The following TMPRSS11E variants were observed in gnomAD, a reference collection of about 807,000 sequenced individuals.
TMPRSS11E encodes transmembrane protease serine 11E.
In TMPRSS11E, 38 loss-of-function variants were observed where a neutral mutation model predicts 48.1. The observed-to-expected ratio is 0.79, with a 90% CI of 0.61 to 1.04. TMPRSS11E has a LOEUF of 1.04. TMPRSS11E is among the 50% of genes least tolerant of loss of function. TMPRSS11E has a pLI of 0.00. For synonymous variants in TMPRSS11E, 158 were observed against 171.9 expected (o/e 0.92, Z 0.63); for missense variants, 530 against 510.8 (o/e 1.04, Z -0.36).
At position 68,477,496 on chromosome 4, in the gene TMPRSS11E, T is replaced by G; in HGVS notation, c.835T>G (p.Ser279Ala). The change falls in exon 8 of 10, where the codon TCT (serine) becomes GCT (alanine). Residue 279 changes from serine (S) to alanine (A), a missense_variant. By Grantham distance (99) the Ser-to-Ala change is moderately conservative (BLOSUM62 1). Coordinates refer to ENST00000305363, the MANE Select transcript of TMPRSS11E (RefSeq NM_014058.4). ...YKHPSHDYDI[S>A]LAELSSPVPY... Reference sequence around the variant, plus strand: ...ACACCCATCACATGACTATGATATTTCTCTTGCAGAGCTTTCTAGCCCTGT... The same window carrying G: ...ACACCCATCACATGACTATGATATTGCTCTTGCAGAGCTTTCTAGCCCTGT... 6.2e-7 allele frequency: 1 copy of G among 1,613,968 alleles called. No individual in the cohort carries two copies. Among genetic ancestry groups the G allele is most frequent in the Non-Finnish European group, 8.5e-7 (1 of 1,179,968 alleles).
intron 1 of TMPRSS11E, among the ~76,000 whole-genome samples, chr4:68,448,755 A>G (rs1295213019): frequency 6.6e-6 from 1 of 151,884 alleles, no homozygotes; most frequent in Non-Finnish European, 1.5e-5. Context: ...AAAAAACCAA[A>G]AACCAAAACC....
chr4:68,469,961 C>A (rs150525668), intron 4 of TMPRSS11E, among the ~76,000 whole-genome samples: 19 of 152,046 alleles, frequency 1.2e-4, no homozygotes, highest in African/African-American at 2.6e-4. Context: ...AATTTGCTCA[C>A]CTCTTTATTC....
chr4:68,448,409 T>G (rs959685468), intron 1 of TMPRSS11E, among the ~76,000 whole-genome samples: 10 of 152,080 alleles, frequency 6.6e-5, no homozygotes, highest in South Asian at 2.1e-4. Flanking sequence ...CTACGGATAC[T>G]AAACATTTTG....
At chr4:68,490,596 GCCTCCACTGA>G (rs1472294183) in intron 9 of TMPRSS11E, among the ~76,000 whole-genome samples, 1 of 151,858 alleles carries the variant, frequency 6.6e-6, no homozygotes, top group Non-Finnish European at 1.5e-5. Context: ...TCCCCTTTTG[GCCTCCACTGA>G]CATCATGGGG....
At chr4:68,467,608 A>G (rs1728961409) in intron 3 of TMPRSS11E, among the ~76,000 whole-genome samples, 1 of 152,146 alleles carries the variant, frequency 6.6e-6, no homozygotes, top group South Asian at 2.1e-4. Context: ...AAATTAAGGT[A>G]TTAGGTTAGA....
chr4:68,469,285 A>G (rs1322080404), intron 4 of TMPRSS11E, among the ~76,000 whole-genome samples: 2 of 152,006 alleles, frequency 1.3e-5, no homozygotes, highest in African/African-American at 4.8e-5. Flanking sequence ...ACAATATAGT[A>G]GATCAGGTTT....
At chr4:68,475,524 A>G (rs989479242) in intron 6 of TMPRSS11E, among the ~76,000 whole-genome samples, 17 of 152,342 alleles carry the variant, frequency 1.1e-4, no homozygotes, top group African/African-American at 3.8e-4. Flanking sequence ...TCTCACCACC[A>G]ATATTTATTG....
chr4:68,448,765 C>A (rs1448919048), intron 1 of TMPRSS11E, among the ~76,000 whole-genome samples: 1 of 151,706 alleles, frequency 6.6e-6, no homozygotes, highest in Admixed American at 6.6e-5. Flanking sequence ...AAACCAAAAC[C>A]AACCATCTAA....
At chr4:68,453,787 A>G (rs899320154) in intron 1 of TMPRSS11E, among the ~76,000 whole-genome samples, 1 of 151,950 alleles carries the variant, frequency 6.6e-6, no homozygotes, top group East Asian at 1.9e-4. Flanking sequence ...ATGTGAAACA[A>G]TTCTGGAGAT....
rs188289714 is a variant in TMPRSS11E at position 68,496,957 on chromosome 4, A to G, written c.*153A>G. ...TGCTTGATGCATGTATTTTCTTCCC[A>G]GCTCTGTTCCGCACATAAGCATCCT... On this transcript the variant is annotated 3_prime_UTR_variant, in exon 10 of 10. Coordinates refer to ENST00000305363, the MANE Select transcript of TMPRSS11E (RefSeq NM_014058.4). 1.7e-3 allele frequency: 1,310 copies of G among 785,098 alleles called. 4 individuals are homozygous for G. Among genetic ancestry groups the G allele is most frequent in the Non-Finnish European group, 2.4e-3 (1,169 of 483,732 alleles). The allele number at this position is 785,098 out of a possible 1,614,324, so 48.6% of individuals were successfully genotyped here.
intron 9 of TMPRSS11E, among the ~76,000 whole-genome samples, chr4:68,492,090 GAGGAAC>G (rs1235658698): frequency 8.5e-5 from 13 of 152,088 alleles, no homozygotes; most frequent in Non-Finnish European, 1.8e-4. Flanking sequence ...ATTGCTCCTG[GAGGAAC>G]ACACGGAACA....
intron 1 of TMPRSS11E, among the ~76,000 whole-genome samples, chr4:68,456,476 T>C (rs1175042801): frequency 1.3e-5 from 2 of 152,008 alleles, no homozygotes; most frequent in African/African-American, 2.4e-5. Context: ...AAAACAGCAA[T>C]GAAAATATAT....
At position 68,471,456 on chromosome 4, in the gene TMPRSS11E, A is replaced by G; in HGVS notation, c.327-4A>G. 7.3e-7 allele frequency: 1 copy of G among 1,374,050 alleles called. No homozygotes were observed. Among genetic ancestry groups the G allele is most frequent in the Non-Finnish European group, 9.5e-7 (1 of 1,058,132 alleles). The allele number at this position is 1,374,050 out of a possible 1,614,324, so 85.1% of individuals were successfully genotyped here. ...CTTTCATTTTCTTCTTTTTTGGCCC[A>G]CAGTCAACAGAAGCATGGAGTGTTG... On this transcript the variant is annotated splice_polypyrimidine_tract_variant and splice_region_variant and intron_variant, in intron 4 of 9. Transcript: ENST00000305363.
chr4:68,495,412 G>A (rs1003784635), intron 9 of TMPRSS11E, among the ~76,000 whole-genome samples: 3 of 151,648 alleles, frequency 2.0e-5, no homozygotes, highest in Non-Finnish European at 4.4e-5. Flanking sequence ...TATAGACTTG[G>A]GATTTTATTA....
Position 68,471,551 on chromosome 4 carries a change from C to T in TMPRSS11E, c.418C>T (p.Leu140Phe). 6.2e-7 allele frequency: 1 copy of T among 1,611,254 alleles called. No homozygotes were observed. The highest frequency in any genetic ancestry group is 8.5e-7 in the Non-Finnish European group (1 of 1,178,606). The change falls in exon 5 of 10, where the codon CTT (leucine) becomes TTT (phenylalanine). Residue 140 changes from leucine to phenylalanine, a missense_variant. Leu to Phe is a conservative substitution (Grantham distance 22). Transcript: ENST00000305363. ...TGAAACTGTAGATAAAATTGTTCAA[C>T]TTGTTTTACATGAAAAGCTGCAAGA... Reference protein sequence around the residue: ...DPETVDKIVQLVLHEKLQDAV... With the variant: ...DPETVDKIVQFVLHEKLQDAV...
At chr4:68,453,358 C>G (rs1728547525) in intron 1 of TMPRSS11E, among the ~76,000 whole-genome samples, 1 of 151,850 alleles carries the variant, frequency 6.6e-6, no homozygotes, top group African/African-American at 2.4e-5. Flanking sequence ...TAACTAGTAA[C>G]AGGCAGTTAG....
rs539594306 is a variant in TMPRSS11E, at chr4:68,485,695, G to C, written c.1110+6704G>C. Among the ~76,000 whole-genome samples the C allele has an allele frequency of 3.9e-5, 6 of 152,218 alleles. No homozygotes were observed. In the East Asian group the frequency reaches 1.2e-3, roughly 29 times the overall value. The stretch of plus-strand genomic sequence containing the variant: ...TGTTAGGGAGGCTTCTCTTTTTCTA[G>C]AATTTTGGGAGTATTTTCAATATAA... On this transcript the variant is annotated intron_variant, in intron 9 of 9. Transcript: ENST00000305363.
intron 1 of TMPRSS11E, among the ~76,000 whole-genome samples, chr4:68,450,987 T>C (rs1318855422): frequency 6.6e-6 from 1 of 151,938 alleles, no homozygotes; most frequent in Non-Finnish European, 1.5e-5. Flanking sequence ...AAATATGTCA[T>C]TGCTTCAACT....
intron 4 of TMPRSS11E, among the ~76,000 whole-genome samples, chr4:68,471,125 C>G (rs1729052018): frequency 6.6e-6 from 1 of 151,828 alleles, no homozygotes; most frequent in Non-Finnish European, 1.5e-5. Context: ...ACATAGTAAA[C>G]AGTAGCAATA....
Sources: allele counts gnomAD v4.1 joint callset (sites outside exome capture counted in the v4.1 genomes callset), GRCh38; gene constraint gnomAD v4.1.1; transcripts MANE v1.5; gene names NCBI Gene and HGNC (gene_info 2026-07-23, HGNC 2026-07-21).